Variants in SLC25A21 observed in about 807,000 individuals in gnomAD.
The protein encoded by SLC25A21 is solute carrier family 25 member 21.
SLC25A21 carries 47 observed loss-of-function variants against 43.8 expected under a neutral mutation model. The observed-to-expected ratio is 1.07, with a 90% confidence interval of 0.85 to 1.37. SLC25A21 has a LOEUF of 1.37. Ranked by LOEUF, SLC25A21 falls within the 40% of genes most tolerant of loss-of-function variation. The pLI, the probability that SLC25A21 is intolerant of heterozygous loss-of-function variation, is 0.00. For synonymous variants in SLC25A21, 131 were observed against 121.3 expected, an observed-to-expected ratio of 1.08 and a Z score of -0.52; for missense variants, 352 against 350.2, an observed-to-expected ratio of 1.00 and a Z score of -0.04.
At chr14:37,092,015 T>C (rs1292876581) in intron 1 of SLC25A21, among the ~76,000 whole-genome samples, 3 of 152,116 alleles carry the variant, frequency 2.0e-5, no homozygotes, top group Non-Finnish European at 2.9e-5. Flanking sequence ...TAGTCCCAGT[T>C]ACTAGGGAGG....
At chr14:36,805,728 T>C (rs1888015415) in intron 3 of SLC25A21, among the ~76,000 whole-genome samples, 3 of 152,222 alleles carry the variant, frequency 2.0e-5, no homozygotes, top group Admixed American at 2.0e-4. Context: ...CTTGAATTGC[T>C]AAATAATCTA....
chr14:36,931,058 G>C lies in SLC25A21; in HGVS notation c.71-56054C>G, dbSNP rs111464974. On this transcript the variant is annotated intron_variant, in intron 1 of 9. Coordinates refer to ENST00000331299, the MANE Select transcript of SLC25A21 (RefSeq NM_030631.4). ...CTCCTCTGGGCTCCCACAGACTCGG[G>C]TTCTTTTTCACTCGTGAGTTCAGTG... Among the ~76,000 whole-genome samples, 663 of 152,128 alleles carry C rather than the reference G, an allele frequency of 4.4e-3. 6 individuals carry two copies. Among genetic ancestry groups the C allele is most frequent in the African/African-American group, 0.015 (630 of 41,500 alleles).
chr14:36,959,657 T>G (rs1959439359), intron 1 of SLC25A21, among the ~76,000 whole-genome samples: 2 of 152,198 alleles, frequency 1.3e-5, no homozygotes, highest in Non-Finnish European at 2.9e-5. Flanking sequence ...TTTGCTCATT[T>G]TGTTTTCATA....
chr14:37,171,922 G>C (rs1174006038), intron 1 of SLC25A21: 3 of 288,120 alleles, frequency 1.0e-5, no homozygotes, highest in Non-Finnish European at 1.9e-5. Flanking sequence ...ATAAAACTAA[G>C]TCAGACCGAA....
At chr14:37,072,179 C>CAAAAA (rs36060373) in intron 1 of SLC25A21, among the ~76,000 whole-genome samples, 6 of 79,000 alleles carry the variant, frequency 7.6e-5, no homozygotes, top group African/African-American at 2.4e-4. Context: ...GAGACTGTCT[C>CAAAAA]AAAAAAAAAA....
intron 1 of SLC25A21, among the ~76,000 whole-genome samples, chr14:36,900,838 G>A (rs1158103322): frequency 6.6e-6 from 1 of 152,180 alleles, no homozygotes; most frequent in African/African-American, 2.4e-5. Context: ...AACTCTGGGA[G>A]CCATTGCAAT....
chr14:36,997,534 A>T (rs553565810), intron 1 of SLC25A21, among the ~76,000 whole-genome samples: 47 of 152,332 alleles, frequency 3.1e-4, no homozygotes, highest in Admixed American at 9.8e-4. Context: ...AATATTTAAA[A>T]GTATATTATT....
At chr14:36,758,877 G>C (rs1886035671) in intron 3 of SLC25A21, among the ~76,000 whole-genome samples, 1 of 152,186 alleles carries the variant, frequency 6.6e-6, no homozygotes, top group Non-Finnish European at 1.5e-5. Context: ...AATCAAGTGT[G>C]AGTTACATTG....
intron 2 of SLC25A21, among the ~76,000 whole-genome samples, chr14:36,871,247 C>G (rs848038): frequency 0.37 from 55,454 of 151,844 alleles, 10,407 homozygotes; most frequent in East Asian, 0.43. Context: ...ATGAGAGACC[C>G]TGGAGTGATG....
chr14:36,713,961 T>C (rs574114223), intron 6 of SLC25A21, among the ~76,000 whole-genome samples: 1 of 152,026 alleles, frequency 6.6e-6, no homozygotes, highest in Non-Finnish European at 1.5e-5. Flanking sequence ...TGTCACTGCA[T>C]AGTGACAGGC....
At chr14:36,821,650 C>T (rs1418632446) in intron 2 of SLC25A21, among the ~76,000 whole-genome samples, 1 of 152,044 alleles carries the variant, frequency 6.6e-6, no homozygotes, top group Non-Finnish European at 1.5e-5. Flanking sequence ...AACTCTATCT[C>T]TACTAAAAAT....
chr14:37,065,994 A>G (rs928988398), intron 1 of SLC25A21, among the ~76,000 whole-genome samples: 1 of 152,138 alleles, frequency 6.6e-6, no homozygotes, highest in Non-Finnish European at 1.5e-5. Flanking sequence ...TCTGAGGGAA[A>G]ATTTGTATAA....
At chr14:37,023,818 C>T (rs963970748) in intron 1 of SLC25A21, among the ~76,000 whole-genome samples, 1 of 151,932 alleles carries the variant, frequency 6.6e-6, no homozygotes, top group South Asian at 2.1e-4. Flanking sequence ...TCTCCTGCAC[C>T]GAGAATGGAG....
chr14:36,916,226 C>T (rs1038823114), intron 1 of SLC25A21, among the ~76,000 whole-genome samples: 1 of 152,206 alleles, frequency 6.6e-6, no homozygotes, highest in African/African-American at 2.4e-5. Context: ...TGAGTGACCT[C>T]TGACAGTGCT....
At chr14:36,718,840 C>G (rs1884258124) in intron 6 of SLC25A21, among the ~76,000 whole-genome samples, 2 of 152,136 alleles carry the variant, frequency 1.3e-5, no homozygotes, top group South Asian at 4.1e-4. Context: ...ATAATCAGAG[C>G]AAGATAGAAC....
intron 3 of SLC25A21, among the ~76,000 whole-genome samples, chr14:36,756,660 A>AT (rs1429069737): frequency 1.7e-4 from 26 of 152,202 alleles, no homozygotes; most frequent in African/African-American, 6.3e-4. Context: ...ATTTCTGAGC[A>AT]TGAGGAAGGC....
intron 1 of SLC25A21, among the ~76,000 whole-genome samples, chr14:37,081,201 G>A (rs991348364): frequency 2.0e-5 from 3 of 152,124 alleles, no homozygotes; most frequent in African/African-American, 7.2e-5. Context: ...GGTTAATACA[G>A]GCATTACAAT....
At chr14:36,779,300 A>G (rs1251957452) in intron 3 of SLC25A21, among the ~76,000 whole-genome samples, 1 of 146,150 alleles carries the variant, frequency 6.8e-6, no homozygotes, top group African/African-American at 2.5e-5. Flanking sequence ...ATATTATTAC[A>G]TATTACATAT....
At chr14:36,964,681 G>C (rs1052530526) in intron 1 of SLC25A21, among the ~76,000 whole-genome samples, 58 of 152,242 alleles carry the variant, frequency 3.8e-4, no homozygotes, top group African/African-American at 1.3e-3. Flanking sequence ...TAGGTATTAA[G>C]CAGTGACTAT....
Sources: allele counts gnomAD v4.1 joint callset (sites outside exome capture counted in the v4.1 genomes callset), GRCh38; gene constraint gnomAD v4.1.1; transcripts MANE v1.5; gene names NCBI Gene and HGNC (gene_info 2026-07-23, HGNC 2026-07-21).